Variants in PIP5K1B observed in about 807,000 individuals in gnomAD.
PIP5K1B encodes the protein phosphatidylinositol-4-phosphate 5-kinase type 1 beta, also known as phosphatidylinositol 4-phosphate 5-kinase type-1 beta.
PIP5K1B carries 42 observed loss-of-function variants against 67.0 expected under a neutral mutation model. The observed-to-expected ratio is 0.63, with a 90% CI of 0.49 to 0.81. PIP5K1B has a LOEUF of 0.81. Among genes scored for constraint, PIP5K1B ranks in the 30% least tolerant of loss-of-function variants. PIP5K1B has a pLI of 0.00. For missense variants in PIP5K1B, 459 were observed against 646.3 expected (o/e 0.71, Z 3.14); for synonymous variants, 214 against 231.4 (o/e 0.92, Z 0.68).
At chr9:68,713,501 T>A (rs1027858280) in intron 1 of PIP5K1B, among the ~76,000 whole-genome samples, 7 of 152,196 alleles carry the variant, frequency 4.6e-5, no homozygotes, top group African/African-American at 1.7e-4. Flanking sequence ...CAGTACATAG[T>A]AAATCTGTTG....
intron 14 of PIP5K1B, among the ~76,000 whole-genome samples, chr9:68,978,031 G>A (rs1226881166): frequency 6.6e-6 from 1 of 151,778 alleles, no homozygotes; most frequent in African/African-American, 2.4e-5. Context: ...GCTTTATTGA[G>A]GTATACTTAA....
At chr9:68,933,022 C>G (rs1827077500) in intron 12 of PIP5K1B, among the ~76,000 whole-genome samples, 1 of 151,896 alleles carries the variant, frequency 6.6e-6, no homozygotes, top group Non-Finnish European at 1.5e-5. Context: ...ATTGCTTGAA[C>G]CTGGGAGGCG....
At chr9:68,818,250 C>T (rs1372015038) in intron 2 of PIP5K1B, among the ~76,000 whole-genome samples, 1 of 152,224 alleles carries the variant, frequency 6.6e-6, no homozygotes, top group Non-Finnish European at 1.5e-5. Context: ...ATTCAACAAC[C>T]ATACCAGACT....
chr9:68,808,686 G>A (rs1833003164), intron 2 of PIP5K1B, among the ~76,000 whole-genome samples: 2 of 152,196 alleles, frequency 1.3e-5, no homozygotes, highest in Non-Finnish European at 2.9e-5. Context: ...ATTTGATGCT[G>A]ATCCTTTTGT....
chr9:68,920,784 T>TCTCTCTCTCACACATACACACACA (rs879785029), intron 11 of PIP5K1B, among the ~76,000 whole-genome samples: 1 of 142,136 alleles, frequency 7.0e-6, no homozygotes, highest in African/African-American at 2.8e-5. Context: ...TCTCTCTCTC[T>TCTCTCTCTCACACATACACACACA]CACACACATA....
At chr9:68,858,343 A>G (rs1320041114) in intron 4 of PIP5K1B, among the ~76,000 whole-genome samples, 1 of 152,162 alleles carries the variant, frequency 6.6e-6, no homozygotes, top group Non-Finnish European at 1.5e-5. Context: ...TTGTCAGTGA[A>G]TATCTCTGAT....
At chr9:68,971,526 G>C (rs966585332) in intron 14 of PIP5K1B, among the ~76,000 whole-genome samples, 3 of 152,124 alleles carry the variant, frequency 2.0e-5, no homozygotes, top group Non-Finnish European at 4.4e-5. Context: ...GGGATTTCTG[G>C]GTCAAATGGT....
intron 2 of PIP5K1B, among the ~76,000 whole-genome samples, chr9:68,772,406 G>A (rs1214684927): frequency 6.6e-6 from 1 of 152,192 alleles, no homozygotes. Flanking sequence ...TGACATGACA[G>A]CAGTAATTCA....
chr9:68,799,219 T>G (rs1041925674), intron 2 of PIP5K1B, among the ~76,000 whole-genome samples: 1 of 152,210 alleles, frequency 6.6e-6, no homozygotes, highest in Non-Finnish European at 1.5e-5. Context: ...GCTGTAATTT[T>G]AAAAAGCATT....
intron 13 of PIP5K1B, among the ~76,000 whole-genome samples, chr9:68,936,748 G>A (rs537978424): frequency 7.9e-5 from 12 of 152,150 alleles, no homozygotes; most frequent in Admixed American, 3.3e-4. Flanking sequence ...GATCCTCTCC[G>A]AATTGGTGTC....
intron 12 of PIP5K1B, among the ~76,000 whole-genome samples, chr9:68,932,746 C>CA (rs1827062186): frequency 1.3e-5 from 2 of 150,618 alleles, no homozygotes; most frequent in Admixed American, 1.3e-4. Context: ...CACAGATCTT[C>CA]TGAAAGGGTC....
At chr9:68,789,890 T>G (rs1218038047) in intron 2 of PIP5K1B, among the ~76,000 whole-genome samples, 1 of 152,228 alleles carries the variant, frequency 6.6e-6, no homozygotes, top group African/African-American at 2.4e-5. Flanking sequence ...CTTTACATAT[T>G]TTTTAACTGA....
Position 68,896,532 on chromosome 9 carries a change from G to A in PIP5K1B, c.771+1894G>A, listed in dbSNP as rs554968311. On this transcript the variant is annotated intron_variant, in intron 8 of 15. Transcript: ENST00000265382. ...GGTTTGTTGTTCTAAGGAACATAAA[G>A]GTCAAGGTAGAGGTATCCTGAGGCT... 9.8e-5 allele frequency among the ~76,000 whole-genome samples: 15 copies of A among 152,302 alleles called. No individual in the cohort carries two copies. The East Asian group carries it at 2.9e-3, about 29-fold the overall frequency.
chr9:68,850,358 T>G (rs976808765), intron 4 of PIP5K1B, among the ~76,000 whole-genome samples: 1 of 152,208 alleles, frequency 6.6e-6, no homozygotes, highest in Non-Finnish European at 1.5e-5. Flanking sequence ...TTTCCGAACC[T>G]CAGCACTATT....
intron 14 of PIP5K1B, among the ~76,000 whole-genome samples, chr9:68,971,617 T>TAAAAG (rs1244190264): frequency 1.3e-5 from 2 of 152,256 alleles, no homozygotes; most frequent in East Asian, 3.8e-4. Flanking sequence ...ACCAGCAGTG[T>TAAAAG]AAAAGCATTC....
intron 4 of PIP5K1B, among the ~76,000 whole-genome samples, chr9:68,849,214 C>A (rs1228277338): frequency 1.3e-5 from 2 of 152,030 alleles, no homozygotes; most frequent in Non-Finnish European, 2.9e-5. Context: ...AGAACAAGAA[C>A]CCTAGTGTCT....
intron 8 of PIP5K1B, among the ~76,000 whole-genome samples, 156 bp downstream of exon 8, chr9:68,894,794 A>G (rs1465809763): frequency 1.3e-5 from 2 of 152,188 alleles, no homozygotes; most frequent in Non-Finnish European, 2.9e-5. Context: ...TGCTTCCCTG[A>G]TATTGAAGGA....
chr9:68,766,600 A>G (rs907237871), intron 2 of PIP5K1B, among the ~76,000 whole-genome samples: 32 of 152,362 alleles, frequency 2.1e-4, no homozygotes, highest in African/African-American at 6.0e-4. Flanking sequence ...TTATGTAGAT[A>G]GGTAGGTATG....
At chr9:68,849,846 T>G (rs1822391658) in intron 4 of PIP5K1B, among the ~76,000 whole-genome samples, 1 of 152,244 alleles carries the variant, frequency 6.6e-6, no homozygotes, top group Non-Finnish European at 1.5e-5. Flanking sequence ...TCAATGAGCA[T>G]GGGCTACAAT....
Sources: gnomAD v4.1 joint callset for allele counts (sites outside exome capture counted in the v4.1 genomes callset) on GRCh38, gnomAD v4.1.1 for gene constraint, MANE v1.5 for transcripts, NCBI Gene and HGNC (gene_info 2026-07-23, HGNC 2026-07-21) for gene names.